The following RTL9 variants were observed in gnomAD, a reference collection of about 807,000 sequenced individuals.
RTL9 encodes retrotransposon Gag-like protein 9.
Under a neutral mutation model 44.7 loss-of-function variants are expected in RTL9, and 19 were observed. The ratio of observed to expected loss-of-function variants is 0.42; its 90% CI spans 0.30 to 0.62. The LOEUF (loss-of-function observed/expected upper bound fraction) is 0.62. Ranked by LOEUF, RTL9 falls within the 20% of genes least tolerant of loss-of-function variation. The pLI is 0.16. For synonymous variants in RTL9, 407 were observed against 398.9 expected, an observed-to-expected ratio of 1.02 and a Z score of -0.24; for missense variants, 1,105 against 1,080.6, an observed-to-expected ratio of 1.02 and a Z score of -0.32.
chrX:110,440,327 C>A (rs985316424), intron 1 of RTL9: 1 of 112,412 alleles, frequency 8.9e-6, no homozygotes, highest in Non-Finnish European at 1.9e-5. Context: ...GTGGCATCCA[C>A]AGCAGAGAAA....
chrX:110,452,932 T>G (rs1256075906), exon 1 of RTL9: 7 of 1,211,190 alleles, frequency 5.8e-6, no homozygotes, highest in Non-Finnish European at 7.8e-6. Context: ...ACACCACTAA[T>G]GAGAACCTCA....
In RTL9 at chrX:110,452,152, C is replaced by T. The variant is rs778743084; in HGVS notation, c.1535C>T (p.Thr512Ile). The T allele has an allele frequency of 1.9e-5, 23 of 1,210,494 alleles. No homozygotes were observed. Among genetic ancestry groups the T allele is most frequent in the Middle Eastern group, 4.6e-4 (2 of 4,377 alleles). ...GCTCCAACTTCTGGAGCAATGTCCA[C>T]CCAACCAGTTACGGCAACAGCCTCT... The change falls in exon 1 of 2, where the codon ACC becomes ATC. Residue 512 changes from threonine to isoleucine, a missense_variant. Transcript: ENST00000540313.
chrX:110,380,668 G>A (rs756804919), intron 1 of RTL9, among the ~76,000 whole-genome samples: 1 of 112,311 alleles, frequency 8.9e-6, no homozygotes, highest in East Asian at 2.8e-4. Flanking sequence ...CAAAGCTGGA[G>A]GCATCACATT....
At chrX:110,453,251 C>T (rs371314655) in exon 1 of RTL9, 3 of 1,211,463 alleles carry the variant, frequency 2.5e-6, no homozygotes, top group East Asian at 3.0e-5. Context: ...AAATGATGCC[C>T]ACAGCTTCTG....
At chrX:110,446,241 G>A (rs2068907473), upstream of RTL9, among the ~76,000 whole-genome samples, 1 of 111,556 alleles carries the variant, frequency 9.0e-6, no homozygotes, top group South Asian at 3.7e-4. Flanking sequence ...TTGTCTGTAC[G>A]GAGGATTTCA....
chrX:110,370,037 G>A (rs753912864), intron 1 of RTL9, among the ~76,000 whole-genome samples: 1 of 110,722 alleles, frequency 9.0e-6, no homozygotes, highest in Non-Finnish European at 1.9e-5. Context: ...TATTGAGTCT[G>A]AATCTGCCTT....
intron 1 of RTL9, among the ~76,000 whole-genome samples, chrX:110,426,404 C>G (rs763700093): frequency 5.4e-5 from 6 of 111,545 alleles, no homozygotes; most frequent in African/African-American, 2.0e-4. Context: ...GTCTGCTTGC[C>G]CACGGAGGAG....
intron 1 of RTL9, among the ~76,000 whole-genome samples, chrX:110,443,323 G>A (rs1354668096): frequency 4.5e-5 from 5 of 111,107 alleles, no homozygotes; most frequent in Admixed American, 1.9e-4. Context: ...GTTCCTTGGC[G>A]TCACCCCAGA....
intron 1 of RTL9, among the ~76,000 whole-genome samples, chrX:110,442,267 G>C (rs1466454160): frequency 9.2e-6 from 1 of 108,639 alleles, no homozygotes; most frequent in Non-Finnish European, 1.9e-5. Flanking sequence ...GTGTGTGTGT[G>C]TGTGTGTGTG....
intron 1 of RTL9, among the ~76,000 whole-genome samples, chrX:110,427,393 A>G (rs1441545746): frequency 8.9e-6 from 1 of 112,050 alleles, no homozygotes; most frequent in African/African-American, 3.3e-5. Flanking sequence ...TCTTAAAGTT[A>G]GAGTACGTAC....
chrX:110,420,660 G>A (rs1205099292), intron 1 of RTL9, among the ~76,000 whole-genome samples: 1 of 112,155 alleles, frequency 8.9e-6, no homozygotes, highest in Non-Finnish European at 1.9e-5. Flanking sequence ...GTGTGGGGAG[G>A]TGGTGGTGGG....
intron 1 of RTL9, among the ~76,000 whole-genome samples, chrX:110,441,049 T>C (rs898546269): frequency 2.7e-5 from 3 of 112,189 alleles, no homozygotes; most frequent in Non-Finnish European, 3.8e-5. Context: ...TCAGCATATG[T>C]CATTCTTGGA....
intron 1 of RTL9, among the ~76,000 whole-genome samples, chrX:110,443,939 A>G (rs1250066210): frequency 8.9e-6 from 1 of 112,493 alleles, no homozygotes; most frequent in Non-Finnish European, 1.9e-5. Flanking sequence ...TATTTACACC[A>G]TTGATTAAAA....
chrX:110,453,935 C>A (rs1333026553), exon 1 of RTL9: 1 of 1,211,584 alleles, frequency 8.3e-7, no homozygotes, highest in Non-Finnish European at 1.1e-6. Context: ...GAGAGGCATC[C>A]ACCTCTCACA....
At chrX:110,447,302 T>G (rs894121636), upstream of RTL9, among the ~76,000 whole-genome samples, 1 of 108,542 alleles carries the variant, frequency 9.2e-6, no homozygotes, top group East Asian at 2.9e-4. Context: ...GCTCACAGGG[T>G]AATTGTCAAG....
At position 110,392,664 on chromosome X, in the gene RTL9, T is replaced by C. The variant is rs1324232138; in HGVS notation, c.-168+33748T>C. Among the ~76,000 whole-genome samples, 3 of 111,621 alleles carry C rather than the reference T, an allele frequency of 2.7e-5. No homozygotes were observed. The Admixed American group carries it at 2.8e-4, about 11-fold the overall frequency. Reference sequence around the variant, plus strand: ...CACGCAAGAGTGCCTTTTGAGCCTGTGTTTGACAGGAAGTTTCTATTCAGA... The same window carrying C: ...CACGCAAGAGTGCCTTTTGAGCCTGCGTTTGACAGGAAGTTTCTATTCAGA... On this transcript the variant is annotated intron_variant, in intron 1 of 2. Coordinates refer to the RTL9 transcript ENST00000520821.
chrX:110,417,048 G>A (rs771740698), upstream of RTL9, among the ~76,000 whole-genome samples: 66 of 112,274 alleles, frequency 5.9e-4, no homozygotes, highest in Non-Finnish European at 1.1e-3. Flanking sequence ...CTTTTCATTC[G>A]ACAGAGACTT....
intron 1 of RTL9, among the ~76,000 whole-genome samples, chrX:110,422,070 G>A (rs1315419146): frequency 1.8e-5 from 2 of 113,195 alleles, no homozygotes; most frequent in Non-Finnish European, 3.7e-5. Context: ...TCTGGAAAAT[G>A]GGGCTCTGGC....
intron 1 of RTL9, among the ~76,000 whole-genome samples, chrX:110,396,898 G>A (rs1006125333): frequency 3.6e-5 from 4 of 112,013 alleles, no homozygotes; most frequent in Non-Finnish European, 7.5e-5. Context: ...GGATCAGTTG[G>A]ACTCCTATGT....
Sources: allele counts gnomAD v4.1 joint callset (sites outside exome capture counted in the v4.1 genomes callset), GRCh38; gene constraint gnomAD v4.1.1; transcripts MANE v1.5; gene names NCBI Gene and HGNC (gene_info 2026-07-23, HGNC 2026-07-21).